NAALADL2: variants seen among roughly 807,000 people sequenced by gnomAD.
The protein encoded by NAALADL2 is N-acetylated alpha-linked acidic dipeptidase like 2.
A neutral mutation model predicts 87.2 loss-of-function variants in NAALADL2; 76 were observed. The ratio of observed to expected loss-of-function variants is 0.87; its 90% CI spans 0.72 to 1.05. The LOEUF (loss-of-function observed/expected upper bound fraction) is 1.05. NAALADL2 is among the 50% of genes least tolerant of loss of function. The probability of loss-of-function intolerance (pLI) is 0.00; values close to 1 mark genes in which losing one functional copy is unlikely to be tolerated. For missense variants in NAALADL2, 1,089 were observed against 945.8 expected (o/e 1.15, Z -1.99); for synonymous variants, 354 against 331.0 (o/e 1.07, Z -0.75).
At chr3:175,246,749 G>C (rs955327557) in intron 3 of NAALADL2, among the ~76,000 whole-genome samples, 7 of 152,040 alleles carry the variant, frequency 4.6e-5, no homozygotes, top group African/African-American at 1.7e-4. Flanking sequence ...TTCCTATATA[G>C]ATAGGAATGC....
At chr3:175,604,527 A>G (rs1164418653) in intron 10 of NAALADL2, among the ~76,000 whole-genome samples, 1 of 151,634 alleles carries the variant, frequency 6.6e-6, no homozygotes, top group Admixed American at 6.6e-5. Flanking sequence ...GATGGTCTTG[A>G]TCTCCTGACC....
intron 2 of NAALADL2, among the ~76,000 whole-genome samples, chr3:175,172,993 A>T (rs956522653): frequency 6.6e-6 from 1 of 152,052 alleles, no homozygotes; most frequent in Non-Finnish European, 1.5e-5. Context: ...TGGTGTCTTT[A>T]AAAATATTGC....
intron 3 of NAALADL2, among the ~76,000 whole-genome samples, chr3:174,832,663 T>G (rs1299964620): frequency 6.6e-6 from 1 of 152,132 alleles, no homozygotes; most frequent in East Asian, 1.9e-4. Context: ...AGACAGGGTT[T>G]CACCGTGTTA....
chr3:175,798,992 G>GC (rs891156724), intron 13 of NAALADL2, among the ~76,000 whole-genome samples: 4 of 151,920 alleles, frequency 2.6e-5, no homozygotes, highest in Non-Finnish European at 4.4e-5. Flanking sequence ...CTTTAAACAT[G>GC]CCCCCCATAA....
intron 5 of NAALADL2, among the ~76,000 whole-genome samples, chr3:175,390,813 A>G (rs62287980): frequency 0.24 from 36,667 of 152,048 alleles, 4,869 homozygotes; most frequent in East Asian, 0.47. Context: ...ATTACTGGTC[A>G]TCAATTGCCT....
chr3:174,450,379 C>T (rs369269627), intron 1 of NAALADL2, among the ~76,000 whole-genome samples: 37 of 152,176 alleles, frequency 2.4e-4, no homozygotes, highest in African/African-American at 5.1e-4. Context: ...AATAGGGAGG[C>T]GCAAGGAAGA....
At chr3:174,787,621 A>ATATATATATATATATATATAT (rs1578931205) in intron 3 of NAALADL2, among the ~76,000 whole-genome samples, 1 of 109,244 alleles carries the variant, frequency 9.2e-6, no homozygotes. Flanking sequence ...ATATATATAT[A>ATATATATATATATATATATAT]GTAGTGACTC....
rs1220292340 is a variant in NAALADL2 at position 174,787,584 on chromosome 3, T to A, written c.-9+49838T>A. 3.0e-4 allele frequency among the ~76,000 whole-genome samples: 18 copies of A among 59,174 alleles called. 3 individuals carry two copies. Among genetic ancestry groups the A allele is most frequent in the African/African-American group, 1.0e-3 (18 of 17,176 alleles). The allele number at this position is 59,174 out of a possible 152,430, so 38.8% of individuals were successfully genotyped here. On this transcript the variant is annotated intron_variant, in intron 3 of 3. Transcript: ENST00000434257. Reference sequence around the variant, plus strand: ...AGAAGGCAATATATCATCATATATATATATATATATATATATATATATATA... The same window carrying A: ...AGAAGGCAATATATCATCATATATAAATATATATATATATATATATATATA...
At chr3:175,161,967 G>A (rs1319686304) in intron 2 of NAALADL2, among the ~76,000 whole-genome samples, 1 of 151,906 alleles carries the variant, frequency 6.6e-6, no homozygotes, top group East Asian at 1.9e-4. Context: ...GTCATATCTG[G>A]GTGTGACTTT....
At chr3:174,847,940 T>A (rs916971904) in intron 3 of NAALADL2, among the ~76,000 whole-genome samples, 1 of 152,042 alleles carries the variant, frequency 6.6e-6, no homozygotes. Flanking sequence ...GAGCACATAT[T>A]TTTGATCTCT....
intron 3 of NAALADL2, among the ~76,000 whole-genome samples, chr3:174,812,956 A>T (rs1435866157): frequency 6.6e-6 from 1 of 152,188 alleles, no homozygotes; most frequent in Non-Finnish European, 1.5e-5. Context: ...ATAAACTAAA[A>T]ATGTTATAAG....
chr3:174,460,078 T>C (rs1260017668), intron 1 of NAALADL2, among the ~76,000 whole-genome samples: 1 of 152,082 alleles, frequency 6.6e-6, no homozygotes, highest in African/African-American at 2.4e-5. Flanking sequence ...TATGATAGAG[T>C]ACATTAAGAG....
At chr3:174,901,548 G>A (rs1732300938) in intron 1 of NAALADL2, among the ~76,000 whole-genome samples, 1 of 152,132 alleles carries the variant, frequency 6.6e-6, no homozygotes, top group African/African-American at 2.4e-5. Context: ...GAAGCCAAAT[G>A]GGATCACCTT....
intron 9 of NAALADL2, among the ~76,000 whole-genome samples, chr3:175,532,624 G>A (rs1476627225): frequency 2.2e-5 from 3 of 137,654 alleles, no homozygotes; most frequent in Non-Finnish European, 4.9e-5. Flanking sequence ...ATTAGCCAAT[G>A]CCAGAGCTCT....
chr3:175,607,972 C>A (rs1448494246), intron 10 of NAALADL2, among the ~76,000 whole-genome samples: 2 of 150,816 alleles, frequency 1.3e-5, no homozygotes, highest in Non-Finnish European at 3.0e-5. Context: ...TAGAATTATA[C>A]CATATTAACT....
At chr3:175,305,901 A>C (rs1280562249) in intron 4 of NAALADL2, among the ~76,000 whole-genome samples, 1 of 152,132 alleles carries the variant, frequency 6.6e-6, no homozygotes, top group Non-Finnish European at 1.5e-5. Flanking sequence ...TTTTTATATG[A>C]ATTTGTTTCT....
chr3:175,682,582 GAC>G (rs1484090675), intron 11 of NAALADL2, among the ~76,000 whole-genome samples: 2 of 151,410 alleles, frequency 1.3e-5, no homozygotes, highest in East Asian at 3.9e-4. Context: ...AGAGAATTGA[GAC>G]AATGGCAGAA....
intron 1 of NAALADL2, among the ~76,000 whole-genome samples, chr3:175,068,951 T>C (rs73035487): frequency 0.12 from 17,612 of 152,094 alleles, 2,469 homozygotes; most frequent in African/African-American, 0.34. Flanking sequence ...ACGCCACTTA[T>C]GTTTTAATTG....
At chr3:175,077,488 G>GAA (rs750252637) in intron 1 of NAALADL2, among the ~76,000 whole-genome samples, 1 of 151,994 alleles carries the variant, frequency 6.6e-6, no homozygotes, top group Non-Finnish European at 1.5e-5. Context: ...TGGGAAATCA[G>GAA]AAAAAAATCA....
Sources: gnomAD v4.1 joint callset for allele counts (sites outside exome capture counted in the v4.1 genomes callset) on GRCh38, gnomAD v4.1.1 for gene constraint, MANE v1.5 for transcripts, NCBI Gene and HGNC (gene_info 2026-07-23, HGNC 2026-07-21) for gene names.